Variants in SLC8A1 observed in about 807,000 individuals in gnomAD.
The protein encoded by SLC8A1 is sodium/calcium exchanger 1.
In SLC8A1, 18 loss-of-function variants were observed where a neutral mutation model predicts 68.3. That is an observed-to-expected ratio of 0.26 (90% CI 0.18 to 0.39). SLC8A1 has a LOEUF of 0.39. SLC8A1 is among the 10% of genes least tolerant of loss of function. The pLI is 1.00. For missense variants in SLC8A1, 985 were observed against 1,156.7 expected, an observed-to-expected ratio of 0.85 and a Z score of 2.15; for synonymous variants, 475 against 415.5, an observed-to-expected ratio of 1.14 and a Z score of -1.74.
intron 2 of SLC8A1, among the ~76,000 whole-genome samples, chr2:40,315,980 C>T (rs1234248200): frequency 6.6e-6 from 1 of 151,972 alleles, no homozygotes; most frequent in Non-Finnish European, 1.5e-5. Context: ...GTGCTATAGA[C>T]CTTCTATGTA....
chr2:40,416,176 G>A (rs1052849465), intron 2 of SLC8A1, among the ~76,000 whole-genome samples: 9 of 151,460 alleles, frequency 5.9e-5, no homozygotes, highest in Non-Finnish European at 1.2e-4. Context: ...TATTAATAGT[G>A]CCCTCTTTTA....
intron 2 of SLC8A1, among the ~76,000 whole-genome samples, chr2:40,388,180 AG>A (rs2149586132): frequency 6.6e-6 from 1 of 152,246 alleles, no homozygotes; most frequent in Non-Finnish European, 1.5e-5. Context: ...AACCCGCTTT[AG>A]GGATTAGGGC....
chr2:40,414,814 T>A (rs989823491), intron 2 of SLC8A1, among the ~76,000 whole-genome samples: 22 of 152,092 alleles, frequency 1.4e-4, no homozygotes, highest in African/African-American at 4.6e-4. Flanking sequence ...TGCCTACAGA[T>A]CAATATTGTT....
intron 2 of SLC8A1, among the ~76,000 whole-genome samples, chr2:40,284,586 A>G (rs1351037781): frequency 6.8e-6 from 1 of 147,506 alleles, no homozygotes; most frequent in Non-Finnish European, 1.5e-5. Context: ...CTATATATAG[A>G]TATTTTGTTA....
At chr2:40,196,591 C>T (rs942155799) in intron 2 of SLC8A1, among the ~76,000 whole-genome samples, 17 of 152,008 alleles carry the variant, frequency 1.1e-4, no homozygotes, top group Non-Finnish European at 2.4e-4. Context: ...TGCTGAAAAG[C>T]TCCCCTAATA....
At chr2:40,462,603 T>A (rs1263108435) in intron 1 of SLC8A1, among the ~76,000 whole-genome samples, 1 of 151,250 alleles carries the variant, frequency 6.6e-6, no homozygotes, top group Non-Finnish European at 1.5e-5. Context: ...AGCCCAGGAG[T>A]TCGAGACCAG....
chr2:40,487,562 A>C (rs1705049815), intron 1 of SLC8A1, among the ~76,000 whole-genome samples: 1 of 152,186 alleles, frequency 6.6e-6, no homozygotes, highest in Non-Finnish European at 1.5e-5. Flanking sequence ...CTAATCCTAT[A>C]GTTTTGGAAA....
chr2:40,373,753 C>T lies in SLC8A1; in HGVS notation c.1808+54720G>A, dbSNP rs1290363301. Among the ~76,000 whole-genome samples the T allele has an allele frequency of 2.0e-5, 3 of 152,034 alleles. No homozygotes were observed. The East Asian group carries it at 5.8e-4, about 29-fold the overall frequency. On this transcript the variant is annotated intron_variant, in intron 2 of 7. Coordinates refer to ENST00000406785, the Ensembl canonical transcript of SLC8A1. ...ACAAACAGTAGATAAACAAAATATT[C>T]ATGTAAGGCTTAATGGCAGGTGGCA... is the stretch of plus-strand genomic sequence containing the variant.
At chr2:40,399,521 G>A (rs541239017) in intron 2 of SLC8A1, among the ~76,000 whole-genome samples, 16 of 152,222 alleles carry the variant, frequency 1.1e-4, no homozygotes, top group Admixed American at 7.8e-4. Context: ...GAATGGTCTC[G>A]TCTCTAGAGG....
At chr2:40,265,491 C>T (rs2065249917) in intron 2 of SLC8A1, among the ~76,000 whole-genome samples, 4 of 151,992 alleles carry the variant, frequency 2.6e-5, no homozygotes, top group Non-Finnish European at 1.5e-5. Flanking sequence ...GGAAAGGTAG[C>T]GAAAAAGTTG....
chr2:40,393,593 A>G (rs1202266087), intron 2 of SLC8A1, among the ~76,000 whole-genome samples: 2 of 152,086 alleles, frequency 1.3e-5, no homozygotes, highest in Non-Finnish European at 2.9e-5. Context: ...ATTTACCAAC[A>G]TTGTTTCCAA....
At chr2:40,485,437 T>A (rs2149917246) in intron 1 of SLC8A1, among the ~76,000 whole-genome samples, 1 of 152,286 alleles carries the variant, frequency 6.6e-6, no homozygotes, top group African/African-American at 2.4e-5. Flanking sequence ...AGCAACATGC[T>A]TTTTCCTTCC....
chr2:40,301,199 T>G (rs536152115), intron 2 of SLC8A1, among the ~76,000 whole-genome samples: 17 of 152,316 alleles, frequency 1.1e-4, no homozygotes, highest in African/African-American at 4.1e-4. Context: ...GCTGAGAATT[T>G]GCTAAGTGCT....
rs539392514 is a variant in SLC8A1, at chr2:40,345,011, T to C, written c.1808+83462A>G. On this transcript the variant is annotated intron_variant, in intron 2 of 7. Transcript: ENST00000406785. ...CCGTATTTTGTTTGTCTGTTTGTTT[T>C]CAAAAAGTGACAAGAGGCTATAAGC... Among the ~76,000 whole-genome samples, 4 of 151,764 alleles carry C rather than the reference T, an allele frequency of 2.6e-5. No individual in the cohort carries two copies. In the South Asian group the frequency reaches 8.3e-4, roughly 32 times the overall value.
exon 8 of SLC8A1, chr2:40,105,015 A>G (rs1353098470): frequency 1.3e-5 from 2 of 152,174 alleles, no homozygotes; most frequent in African/African-American, 4.8e-5. Context: ...CTTTTGTACA[A>G]AACTTGTGGA....
At chr2:40,359,425 G>A (rs1673837470) in intron 2 of SLC8A1, among the ~76,000 whole-genome samples, 1 of 152,122 alleles carries the variant, frequency 6.6e-6, no homozygotes, top group Non-Finnish European at 1.5e-5. Context: ...CCTTTTAAGT[G>A]TGAAAAAGGG....
chr2:40,488,374 C>A (rs573156748), intron 1 of SLC8A1, among the ~76,000 whole-genome samples: 4 of 152,052 alleles, frequency 2.6e-5, no homozygotes, highest in Non-Finnish European at 5.9e-5. Flanking sequence ...CAGGCCCATT[C>A]GTATTCTCTC....
intron 4 of SLC8A1, 62 bp from the exon 7 acceptor site, chr2:40,170,411 T>G: frequency 7.0e-7 from 1 of 1,424,112 alleles, no homozygotes; most frequent in Non-Finnish European, 9.9e-7. Flanking sequence ...TATCAGAGCT[T>G]TGTGGAATTA....
intron 2 of SLC8A1, among the ~76,000 whole-genome samples, chr2:40,401,734 C>G (rs1352551170): frequency 6.6e-6 from 1 of 151,604 alleles, no homozygotes; most frequent in East Asian, 1.9e-4. Context: ...AATACTATAT[C>G]CCAAGTTTAT....
Sources: allele counts gnomAD v4.1 joint callset (sites outside exome capture counted in the v4.1 genomes callset), GRCh38; gene constraint gnomAD v4.1.1; transcripts MANE v1.5; gene names NCBI Gene and HGNC (gene_info 2026-07-23, HGNC 2026-07-21).